ORMDL3: variants seen among roughly 807,000 people sequenced by gnomAD.
The protein encoded by ORMDL3 is ORMDL sphingolipid biosynthesis regulator 3.
In ORMDL3, 6 loss-of-function variants were observed where a neutral mutation model predicts 12.6. The ratio of observed to expected loss-of-function variants is 0.48; its 90% CI spans 0.26 to 0.94. ORMDL3 has a LOEUF of 0.94. ORMDL3 is among the 40% of genes least tolerant of loss of function. The pLI is 0.14. For synonymous variants in ORMDL3, 99 were observed against 87.2 expected, an observed-to-expected ratio of 1.14 and a Z score of -0.75; for missense variants, 159 against 205.5, an observed-to-expected ratio of 0.77 and a Z score of 1.38.
Position 39,924,033 on chromosome 17 carries a change from G to A in ORMDL3, c.171C>T (p.Asn57=). The change falls in exon 2 of 4, where the codon AAC becomes AAT. Residue 57 remains asparagine, a synonymous_variant. Transcript: ENST00000304046. ...VVWTLTNLIH[N]MGMYIFLHTV... ...CAGGCAGCAGACAGGCTCTCACCATGTTGTGAATGAGGTTGGTGAGGGTCC... is the reference window on the plus strand; with the variant it reads ...CAGGCAGCAGACAGGCTCTCACCATATTGTGAATGAGGTTGGTGAGGGTCC... 1 of 1,602,878 alleles carries A rather than the reference G, an allele frequency of 6.2e-7. No individual in the cohort carries two copies. The highest frequency in any genetic ancestry group is 8.5e-7 in the Non-Finnish European group (1 of 1,173,786).
intron 1 of ORMDL3, chr17:39,926,759 C>G: frequency 8.1e-6 from 8 of 983,062 alleles, no homozygotes; most frequent in Non-Finnish European, 9.7e-6. Context: ...AGGGCAGCCA[C>G]CAGGTGAGCC....
Position 39,927,598 on chromosome 17 carries a change from A to G in ORMDL3, c.-137T>C, listed in dbSNP as rs1978511773. ...GCCTCCCCGCTGGCAGCTCCGGCCG[A>G]ATCAGCGCTCCGCGCCGGTCCCCGT... On this transcript the variant is annotated 5_prime_UTR_variant, in exon 1 of 4. Coordinates refer to ENST00000304046, the MANE Select transcript of ORMDL3 (RefSeq NM_139280.4). The G allele has an allele frequency of 1.0e-6, 1 of 985,844 alleles. No homozygotes were observed. The highest frequency in any genetic ancestry group is 1.2e-6 in the Non-Finnish European group (1 of 830,254). 61.1% of individuals were successfully genotyped at this position (985,844 alleles called of 1,614,324 possible).
At chr17:39,924,613 A>C in intron 1 of ORMDL3, 1 of 182,392 alleles carries the variant, frequency 5.5e-6, no homozygotes. Flanking sequence ...ACTCAGCACA[A>C]CCCCTGCTGG....
chr17:39,922,770 A>G, intron 3 of ORMDL3, 85 bp from the exon 4 acceptor site: 1 of 1,483,140 alleles, frequency 6.7e-7, no homozygotes. Flanking sequence ...GAAAGGCAGA[A>G]TCCCAACAGC....
rs1334025152 is a variant in ORMDL3, at chr17:39,922,400, G to T, written c.*150C>A. ...TACAAGCTACTCCAAGTTGGCTACT[G>T]GGGGAAGCGAGGGGGGAAATTAGGC... On this transcript the variant is annotated 3_prime_UTR_variant, in exon 4 of 4. Transcript: ENST00000304046. The T allele has an allele frequency of 1.0e-6, 1 of 986,844 alleles. No individual in the cohort carries two copies. Among genetic ancestry groups the T allele is most frequent in the Non-Finnish European group, 1.5e-6 (1 of 679,162 alleles). 61.1% of individuals were successfully genotyped at this position (986,844 alleles called of 1,614,324 possible).
chr17:39,923,985 C>A (rs999185565), intron 2 of ORMDL3, 45 bp downstream of exon 2: 17 of 1,533,130 alleles, frequency 1.1e-5, no homozygotes, highest in Non-Finnish European at 1.5e-5. Flanking sequence ...GGGCAGCCCA[C>A]AGGGCAGGGG....
chr17:39,927,093 C>A, intron 1 of ORMDL3: 2 of 835,634 alleles, frequency 2.4e-6, no homozygotes, highest in African/African-American at 1.8e-5. Flanking sequence ...TGAGTGAGAC[C>A]TCGGGTGCGG....
At chr17:39,923,944 C>T (rs773300336) in intron 2 of ORMDL3, 86 bp downstream of exon 2, 190 of 1,371,852 alleles carry the variant, frequency 1.4e-4, no homozygotes, top group Non-Finnish European at 1.7e-4. Context: ...CCAGGCCCGA[C>T]AGGCTCCTCC....
At chr17:39,926,978 T>G (rs930872056) in intron 1 of ORMDL3, 1 of 985,512 alleles carries the variant, frequency 1.0e-6, no homozygotes, top group African/African-American at 1.7e-5. Context: ...CCACCCCGAC[T>G]GGGGGAGGGC....
chr17:39,926,826 T>C (rs1978454216), intron 1 of ORMDL3: 2 of 985,690 alleles, frequency 2.0e-6, no homozygotes, highest in East Asian at 1.1e-4. Flanking sequence ...CCTCCTGTCT[T>C]CTGGAAGAGG....
Position 39,922,700 on chromosome 17 carries a change from G to A in ORMDL3, c.327-15C>T. On this transcript the variant is annotated splice_polypyrimidine_tract_variant and intron_variant, in intron 3 of 3. Coordinates refer to ENST00000304046, the MANE Select transcript of ORMDL3 (RefSeq NM_139280.4). ...TGAGGAAGTACCTGGGAGGGGAAGGGTGGGGAGAGATATAAAAGACTGTTG... is the reference window on the plus strand; with the variant it reads ...TGAGGAAGTACCTGGGAGGGGAAGGATGGGGAGAGATATAAAAGACTGTTG... 1.9e-6 allele frequency: 3 copies of A among 1,612,486 alleles called. No individual in the cohort carries two copies. Among genetic ancestry groups the A allele is most frequent in the Non-Finnish European group, 2.5e-6 (3 of 1,179,046 alleles).
rs538675556 is a variant in ORMDL3, at chr17:39,924,331, G to A, written c.-22-106C>T. ...GCCCTTGTTTCCCTGAGAACTCCAG[G>A]CAGTTCCACTCTTTTGATTCTGAAG... On this transcript the variant is annotated intron_variant, in intron 1 of 3. Transcript: ENST00000304046. 6.5e-5 allele frequency: 68 copies of A among 1,042,270 alleles called. No individual in the cohort carries two copies. The South Asian group carries it at 9.7e-4, about 15-fold the overall frequency. 64.6% of individuals were successfully genotyped at this position (1,042,270 alleles called of 1,614,324 possible).
Position 39,922,213 on chromosome 17 carries a change from G to GT in ORMDL3, c.*336dup. 4.9e-6 allele frequency: 1 copy of GT among 205,180 alleles called. No homozygotes were observed. Among genetic ancestry groups the GT allele is most frequent in the Non-Finnish European group, 9.8e-6 (1 of 101,760 alleles). 12.7% of individuals were successfully genotyped at this position (205,180 alleles called of 1,614,324 possible). ...CCTGAGGGCAAACAAGTGAGCAGGGGTTTTTCCCCTGGCCTCCTGTCGCAA... is the reference window on the plus strand; with the variant it reads ...CCTGAGGGCAAACAAGTGAGCAGGGGTTTTTTCCCCTGGCCTCCTGTCGCAA... On this transcript the variant is annotated 3_prime_UTR_variant, in exon 4 of 4. Transcript: ENST00000304046.
intron 2 of ORMDL3, among the ~76,000 whole-genome samples, chr17:39,923,603 G>C (rs1486288453): frequency 1.3e-5 from 2 of 152,140 alleles, no homozygotes; most frequent in Non-Finnish European, 2.9e-5. Flanking sequence ...ACCCGACAAA[G>C]AGTGCAAGGT....
intron 2 of ORMDL3, 66 bp downstream of exon 2, chr17:39,923,964 G>T (rs1189887516): frequency 1.4e-6 from 2 of 1,468,030 alleles, no homozygotes; most frequent in Non-Finnish European, 1.8e-6. Flanking sequence ...CTATCCCTCA[G>T]CCCTGCCAAA....
intron 2 of ORMDL3, 26 bp downstream of exon 2, chr17:39,924,004 G>T: frequency 1.3e-6 from 2 of 1,572,074 alleles, no homozygotes; most frequent in South Asian, 1.2e-5. Flanking sequence ...GGCAGGGGCA[G>T]GGGCAGGCAG....
In ORMDL3 at chr17:39,927,531, G is replaced by A; in HGVS notation, c.-70C>T. ...GCCCGGGAACGGTTCCCGGGAGCGGGGGCCGCTGCTGCTCCAGCAGCTGTA... is the reference window on the plus strand; with the variant it reads ...GCCCGGGAACGGTTCCCGGGAGCGGAGGCCGCTGCTGCTCCAGCAGCTGTA... On this transcript the variant is annotated 5_prime_UTR_variant, in exon 1 of 4. Transcript: ENST00000304046. 3.0e-6 allele frequency: 3 copies of A among 985,456 alleles called. No homozygotes were observed. Among genetic ancestry groups the A allele is most frequent in the Non-Finnish European group, 3.6e-6 (3 of 829,950 alleles). The allele number at this position is 985,456 out of a possible 1,614,324, so 61.0% of individuals were successfully genotyped here.
At chr17:39,925,740 C>A (rs1403566864) in intron 1 of ORMDL3, 1 of 152,268 alleles carries the variant, frequency 6.6e-6, no homozygotes. Context: ...TGACCCACAA[C>A]ACGCCATCCC....
intron 3 of ORMDL3, 115 bp from the exon 4 acceptor site, chr17:39,922,800 T>G: frequency 7.6e-7 from 1 of 1,308,380 alleles, no homozygotes; most frequent in Non-Finnish European, 1.0e-6. Context: ...ACAGAAGAGG[T>G]TCCCAGACCA....
Sources: gnomAD v4.1 joint callset for allele counts (sites outside exome capture counted in the v4.1 genomes callset) on GRCh38, gnomAD v4.1.1 for gene constraint, MANE v1.5 for transcripts, NCBI Gene and HGNC (gene_info 2026-07-23, HGNC 2026-07-21) for gene names.